Variants in PCDH9 observed in about 807,000 individuals in gnomAD.
PCDH9 encodes protocadherin-9.
Under a neutral mutation model 70.6 loss-of-function variants are expected in PCDH9, and 24 were observed. That is an observed-to-expected ratio of 0.34 (90% CI 0.25 to 0.48). The LOEUF (loss-of-function observed/expected upper bound fraction) is 0.48, where lower values mean the gene tolerates loss of function less well. Ranked by LOEUF, PCDH9 falls within the 20% of genes least tolerant of loss-of-function variation. The pLI is 0.99. For missense variants in PCDH9, 1,281 were observed against 1,503.6 expected, an observed-to-expected ratio of 0.85 and a Z score of 2.45; for synonymous variants, 562 against 558.5, an observed-to-expected ratio of 1.01 and a Z score of -0.09.
chr13:66,418,753 G>A (rs1957507013), intron 4 of PCDH9, among the ~76,000 whole-genome samples: 1 of 152,054 alleles, frequency 6.6e-6, no homozygotes, highest in Non-Finnish European at 1.5e-5. Flanking sequence ...AAGAACTGAA[G>A]GAGATAGAGA....
At chr13:66,667,051 G>C (rs1394090751) in intron 3 of PCDH9, among the ~76,000 whole-genome samples, 1 of 152,134 alleles carries the variant, frequency 6.6e-6, no homozygotes. Flanking sequence ...TCAAATTTTA[G>C]AACTTGTAGG....
At chr13:66,634,844 A>G (rs776080411) in intron 3 of PCDH9, among the ~76,000 whole-genome samples, 11 of 152,120 alleles carry the variant, frequency 7.2e-5, no homozygotes, top group Non-Finnish European at 1.3e-4. Context: ...GATCCACAGA[A>G]TTTGGCATGC....
intron 4 of PCDH9, among the ~76,000 whole-genome samples, chr13:66,605,459 C>T (rs1172152455): frequency 1.3e-5 from 2 of 152,008 alleles, no homozygotes; most frequent in African/African-American, 4.8e-5. Flanking sequence ...AAGAAAAGTA[C>T]AAAAGAGAAA....
chr13:66,512,568 G>T (rs1959531937), intron 4 of PCDH9, among the ~76,000 whole-genome samples: 1 of 152,044 alleles, frequency 6.6e-6, no homozygotes, highest in Non-Finnish European at 1.5e-5. Flanking sequence ...TAGATTCTGT[G>T]TGTCAGAGCT....
At chr13:66,748,751 C>A (rs1297583679) in intron 3 of PCDH9, among the ~76,000 whole-genome samples, 2 of 152,176 alleles carry the variant, frequency 1.3e-5, no homozygotes, top group Non-Finnish European at 1.5e-5. Context: ...GATACACACA[C>A]AAACACAGAT....
chr13:66,375,571 A>G (rs1195529889), intron 4 of PCDH9, among the ~76,000 whole-genome samples: 1 of 152,130 alleles, frequency 6.6e-6, no homozygotes, highest in Non-Finnish European at 1.5e-5. Context: ...GTGATTTACA[A>G]AATTTTAAGT....
chr13:66,596,531 T>C (rs1255309650), intron 4 of PCDH9, among the ~76,000 whole-genome samples: 2 of 151,736 alleles, frequency 1.3e-5, no homozygotes, highest in Non-Finnish European at 3.0e-5. Context: ...TTCTATATGT[T>C]ACACATATTG....
chr13:66,727,168 C>T (rs376329028), intron 3 of PCDH9, among the ~76,000 whole-genome samples: 28 of 152,094 alleles, frequency 1.8e-4, no homozygotes, highest in African/African-American at 2.9e-4. Flanking sequence ...CTTGGAAGAA[C>T]GAGGAATATC....
Position 66,829,717 on chromosome 13 carries a change from C to CAAAAAAAAAAAAAAAAA in PCDH9, c.3138+73770_3138+73786dup, listed in dbSNP as rs562176354. Among the ~76,000 whole-genome samples, 57 of 53,124 alleles carry CAAAAAAAAAAAAAAAAA rather than the reference C, an allele frequency of 1.1e-3. 9 individuals carry two copies. Among genetic ancestry groups the CAAAAAAAAAAAAAAAAA allele is most frequent in the East Asian group, 2.6e-3 (3 of 1,158 alleles). 34.9% of individuals were successfully genotyped at this position (53,124 alleles called of 152,430 possible). On this transcript the variant is annotated intron_variant, in intron 3 of 4. Coordinates refer to ENST00000377865, the MANE Select transcript of PCDH9 (RefSeq NM_203487.3). ...TGGGCGACAGAGCGAGACTCCGTCT[C>CAAAAAAAAAAAAAAAAA]AAAAAAAAAAAAAAAAAAAAAAAAA...
At chr13:66,906,581 AC>A (rs2082364632) in intron 2 of PCDH9, among the ~76,000 whole-genome samples, 2 of 151,798 alleles carry the variant, frequency 1.3e-5, no homozygotes, top group Admixed American at 1.3e-4. Context: ...AAAAGATCTC[AC>A]CCCCAAGCCT....
At chr13:66,939,406 G>T (rs929427053) in intron 2 of PCDH9, among the ~76,000 whole-genome samples, 2 of 144,056 alleles carry the variant, frequency 1.4e-5, no homozygotes, top group African/African-American at 5.1e-5. Flanking sequence ...TAAGAAAGGT[G>T]AGGTCACTTT....
At chr13:67,007,486 T>C (rs1218942827) in intron 2 of PCDH9, among the ~76,000 whole-genome samples, 1 of 152,170 alleles carries the variant, frequency 6.6e-6, no homozygotes, top group Non-Finnish European at 1.5e-5. Flanking sequence ...GTAAAAGTTA[T>C]TAGTAAAATG....
At chr13:66,360,787 A>ATT (rs201935655) in intron 4 of PCDH9, among the ~76,000 whole-genome samples, 1 of 151,460 alleles carries the variant, frequency 6.6e-6, no homozygotes, top group Non-Finnish European at 1.5e-5. Context: ...TTAAGTGAAG[A>ATT]TTTTTTTTTA....
chr13:66,983,907 T>A (rs1478641557), intron 2 of PCDH9, among the ~76,000 whole-genome samples: 1 of 151,392 alleles, frequency 6.6e-6, no homozygotes, highest in Non-Finnish European at 1.5e-5. Flanking sequence ...AAACTCACCC[T>A]TATTTTCCCT....
chr13:66,673,307 C>A (rs905559173), intron 3 of PCDH9, among the ~76,000 whole-genome samples: 4 of 152,150 alleles, frequency 2.6e-5, no homozygotes, highest in Non-Finnish European at 5.9e-5. Flanking sequence ...CCATATAAGA[C>A]ACGCCTTTGC....
At chr13:66,677,328 T>A (rs935428264) in intron 3 of PCDH9, among the ~76,000 whole-genome samples, 1 of 152,140 alleles carries the variant, frequency 6.6e-6, no homozygotes, top group Non-Finnish European at 1.5e-5. Flanking sequence ...TAAAGTAATA[T>A]AAATAAGATC....
intron 2 of PCDH9, among the ~76,000 whole-genome samples, chr13:67,010,412 C>T (rs540466593): frequency 1.1e-4 from 16 of 152,076 alleles, no homozygotes; most frequent in Admixed American, 7.9e-4. Flanking sequence ...TTTTTCTTCT[C>T]TCTATTGCCT....
intron 4 of PCDH9, among the ~76,000 whole-genome samples, chr13:66,440,869 C>A (rs1957960752): frequency 6.6e-6 from 1 of 152,090 alleles, no homozygotes; most frequent in South Asian, 2.1e-4. Context: ...GCATCCAACA[C>A]AGAGACTGTA....
intron 4 of PCDH9, among the ~76,000 whole-genome samples, chr13:66,387,694 C>T (rs1228106146): frequency 6.6e-6 from 1 of 152,094 alleles, no homozygotes; most frequent in Admixed American, 6.6e-5. Flanking sequence ...TGGCGTCATG[C>T]TTCTTGTACA....
Sources: gnomAD v4.1 joint callset for allele counts (sites outside exome capture counted in the v4.1 genomes callset) on GRCh38, gnomAD v4.1.1 for gene constraint, MANE v1.5 for transcripts, NCBI Gene and HGNC (gene_info 2026-07-23, HGNC 2026-07-21) for gene names.